Variants in CSMD2 observed in about 807,000 individuals in gnomAD.
CSMD2 encodes the protein CUB and Sushi multiple domains 2, also known as CUB and sushi domain-containing protein 2.
In CSMD2, 130 loss-of-function variants were observed where a neutral mutation model predicts 398.5. That is an observed-to-expected ratio of 0.33 (90% CI 0.28 to 0.38). CSMD2 has a LOEUF of 0.38. CSMD2 is among the 10% of genes least tolerant of loss of function. The probability of loss-of-function intolerance (pLI) is 1.00; values close to 1 mark genes in which losing one functional copy is unlikely to be tolerated. For missense variants in CSMD2, 3,829 were observed against 4,764.9 expected (o/e 0.80, Z 5.78); for synonymous variants, 1,828 against 1,908.5 (o/e 0.96, Z 1.10).
chr1:33,763,252 G>A (rs776475639), intron 13 of CSMD2, among the ~76,000 whole-genome samples: 1 of 152,136 alleles, frequency 6.6e-6, no homozygotes, highest in Non-Finnish European at 1.5e-5. Flanking sequence ...AAACCTCACA[G>A]AACTGACACA....
chr1:33,760,936 G>T (rs1168647219), intron 13 of CSMD2, among the ~76,000 whole-genome samples: 1 of 152,064 alleles, frequency 6.6e-6, no homozygotes, highest in African/African-American at 2.4e-5. Context: ...CAAAAGGTTT[G>T]CTCTTTGATC....
intron 38 of CSMD2, 121 bp from the exon 39 acceptor site, chr1:33,617,096 A>G: frequency 1.4e-6 from 1 of 714,994 alleles, no homozygotes; most frequent in South Asian, 1.7e-5. Context: ...ATACACAAAG[A>G]CACACAGATC....
chr1:34,116,550 G>A (rs1033908333), intron 1 of CSMD2, among the ~76,000 whole-genome samples: 1 of 151,988 alleles, frequency 6.6e-6, no homozygotes, highest in Non-Finnish European at 1.5e-5. Flanking sequence ...ATAAGGAAGA[G>A]AGATTTCCAT....
intron 3 of CSMD2, among the ~76,000 whole-genome samples, chr1:34,006,960 A>G (rs1434271247): frequency 6.6e-6 from 1 of 152,128 alleles, no homozygotes; most frequent in East Asian, 1.9e-4. Context: ...TAGCCATAAA[A>G]AATGTTCTCT....
At chr1:34,038,402 G>C (rs1243373034) in intron 2 of CSMD2, among the ~76,000 whole-genome samples, 1 of 152,174 alleles carries the variant, frequency 6.6e-6, no homozygotes, top group African/African-American at 2.4e-5. Context: ...TTGCAAACAG[G>C]TGGCATAGCC....
In CSMD2 at chr1:33,633,651, C is replaced by T. The variant is rs2148909172; in HGVS notation, c.5087-116G>A. On this transcript the variant is annotated intron_variant, in intron 31 of 70. Coordinates refer to ENST00000373381, the MANE Select transcript of CSMD2 (RefSeq NM_001281956.2). The surrounding 1 kb of genome is among the most constrained non-coding windows in gnomAD (Gnocchi z 5.0). ...GCAGCCCTGGGGAAGTTGTTGGTTC[C>T]TGGGCTGTGGCTTGCTGCACTGGTT... The T allele has an allele frequency of 1.4e-6, 1 of 739,346 alleles. No homozygotes were observed. Among genetic ancestry groups the T allele is most frequent in the Admixed American group, 2.1e-5 (1 of 47,016 alleles). The allele number at this position is 739,346 out of a possible 1,614,324, so 45.8% of individuals were successfully genotyped here.
chr1:33,799,432 C>T (rs1188556869), intron 10 of CSMD2, among the ~76,000 whole-genome samples: 1 of 152,192 alleles, frequency 6.6e-6, no homozygotes, highest in Non-Finnish European at 1.5e-5. Context: ...TCTGCTTAAA[C>T]CAAAACAGCT....
chr1:33,635,420 C>T lies in CSMD2; in HGVS notation c.4970-90G>A. The stretch of plus-strand genomic sequence containing the variant: ...GTTCTGCCCCAGCCTGAGCTTCTGG[C>T]CCCAGTAGGGCTGCCCTGAGGTGGG... On this transcript the variant is annotated intron_variant, in intron 30 of 70. Transcript: ENST00000373381. The surrounding 1 kb of genome is among the most constrained non-coding windows in gnomAD (Gnocchi z 5.0). 2.5e-6 allele frequency: 2 copies of T among 784,766 alleles called. No individual in the cohort carries two copies. Among genetic ancestry groups the T allele is most frequent in the Admixed American group, 2.2e-5 (1 of 45,444 alleles). 48.6% of individuals were successfully genotyped at this position (784,766 alleles called of 1,614,324 possible). A position where few individuals can be genotyped will look rare whatever the true frequency, so the allele number is the denominator to read the frequency against.
intron 1 of CSMD2, among the ~76,000 whole-genome samples, chr1:34,124,223 C>T (rs2148478458): frequency 6.6e-6 from 1 of 152,306 alleles, no homozygotes; most frequent in East Asian, 1.9e-4. Flanking sequence ...ACTCAGCACA[C>T]ATATATTGAT....
intron 2 of CSMD2, among the ~76,000 whole-genome samples, chr1:34,072,506 C>T (rs1426601609): frequency 3.3e-5 from 5 of 152,136 alleles, no homozygotes; most frequent in Non-Finnish European, 7.3e-5. Context: ...CTAGAGGTGG[C>T]CAAGTCTGCT....
intron 4 of CSMD2, among the ~76,000 whole-genome samples, chr1:33,929,439 T>A (rs1001808836): frequency 6.9e-6 from 1 of 144,134 alleles, no homozygotes; most frequent in Non-Finnish European, 1.5e-5. Context: ...ATACTTTTTT[T>A]TTTTTTTTTT....
chr1:33,870,223 C>T (rs1640360404), intron 5 of CSMD2: 1 of 152,170 alleles, frequency 6.6e-6, no homozygotes, highest in African/African-American at 2.4e-5. Flanking sequence ...GTACCTGCCC[C>T]TTAGGTGTGC....
chr1:33,859,510 C>T (rs1639334864), intron 5 of CSMD2, among the ~76,000 whole-genome samples: 1 of 152,212 alleles, frequency 6.6e-6, no homozygotes, highest in Admixed American at 6.6e-5. Context: ...GCTCTAAATC[C>T]TTAGAGTAAT....
rs765377182 is a variant in CSMD2 at position 33,700,517 on chromosome 1, T to C, written c.3733A>G (p.Ser1245Gly). ...TSKGFELHFS[S>G]FELIKCEDPG... Reference sequence around the variant, plus strand: ...CCACACAGATGCAAGAAAGACTTACTGGAAAAGTGCAGTTCAAAGCCCTTG... The same window carrying C: ...CCACACAGATGCAAGAAAGACTTACCGGAAAAGTGCAGTTCAAAGCCCTTG... Residue 1245 changes from serine (S) to glycine (G), a missense_variant and splice_region_variant, in exon 23 of 71, where the codon AGC becomes GGC. By Grantham distance (56) the Ser-to-Gly change is moderately conservative. This residue lies in a region of CSMD2 where 2,001 missense variants were observed against 2,567.1 expected (regional missense o/e 0.78). Coordinates refer to ENST00000373381, the MANE Select transcript of CSMD2 (RefSeq NM_001281956.2). The C allele has an allele frequency of 6.2e-6, 10 of 1,613,966 alleles. No homozygotes were observed. Among genetic ancestry groups the C allele is most frequent in the Admixed American group, 1.7e-5 (1 of 59,982 alleles).
At chr1:34,104,981 ACG>A (rs1158817857) in intron 1 of CSMD2, among the ~76,000 whole-genome samples, 1 of 151,992 alleles carries the variant, frequency 6.6e-6, no homozygotes, top group Non-Finnish European at 1.5e-5. Flanking sequence ...AATCTAACTC[ACG>A]GTCCCAGGCT....
At chr1:34,085,651 C>T (rs543250105) in intron 2 of CSMD2, among the ~76,000 whole-genome samples, 5 of 152,140 alleles carry the variant, frequency 3.3e-5, no homozygotes, top group African/African-American at 1.2e-4. Context: ...AAAGAGCTGA[C>T]CATTTGAAAG....
chr1:33,606,960 A>C (rs1640657009), intron 41 of CSMD2, among the ~76,000 whole-genome samples: 1 of 152,224 alleles, frequency 6.6e-6, no homozygotes, highest in Admixed American at 6.5e-5. Context: ...AACTTCCCCA[A>C]AGAAGGACTC....
At position 33,571,516 on chromosome 1, in the gene CSMD2, C is replaced by G; in HGVS notation, c.7957+16G>C. 1 of 1,421,072 alleles carries G rather than the reference C, an allele frequency of 7.0e-7. No homozygotes were observed. The highest frequency in any genetic ancestry group is 9.4e-7 in the Non-Finnish European group (1 of 1,068,692). 88.0% of individuals were successfully genotyped at this position (1,421,072 alleles called of 1,614,324 possible). A position where few individuals can be genotyped will look rare whatever the true frequency, so the allele number is the denominator to read the frequency against. ...GGACCCTGCTAAACTTGCCCACCCTCCCTTCCTGGGCTTACTTCGGCAGGT... is the reference window on the plus strand; with the variant it reads ...GGACCCTGCTAAACTTGCCCACCCTGCCTTCCTGGGCTTACTTCGGCAGGT... On this transcript the variant is annotated intron_variant, in intron 51 of 70. Transcript: ENST00000373381.
At chr1:33,612,278 C>T (rs139146514) in intron 40 of CSMD2, among the ~76,000 whole-genome samples, 4 of 152,208 alleles carry the variant, frequency 2.6e-5, no homozygotes, top group Admixed American at 6.5e-5. Flanking sequence ...AGAATAAGCA[C>T]GAGTATAATT....
Sources: gnomAD v4.1 joint callset for allele counts (sites outside exome capture counted in the v4.1 genomes callset) on GRCh38, gnomAD v4.1.1 for gene constraint, gnomAD v4.1.1 regional missense constraint, Gnocchi (gnomAD v3.1) non-coding constraint, MANE v1.5 for transcripts, NCBI Gene and HGNC (gene_info 2026-07-23, HGNC 2026-07-21) for gene names.